AKAP9: variants seen among roughly 807,000 people sequenced by gnomAD.
AKAP9 encodes the protein A-kinase anchoring protein 9.
In AKAP9, 311 loss-of-function variants were observed where a neutral mutation model predicts 488.5. The ratio of observed to expected loss-of-function variants is 0.64; its 90% CI spans 0.58 to 0.70. The LOEUF is 0.70. Among genes scored for constraint, AKAP9 ranks in the 30% least tolerant of loss-of-function variants. The pLI is 0.00. For synonymous variants in AKAP9, 1,462 were observed against 1,483.5 expected (o/e 0.99, Z 0.33); for missense variants, 4,215 against 4,374.5 (o/e 0.96, Z 1.03).
At chr7:92,099,098 C>T (rs886607891) in intron 43 of AKAP9, among the ~76,000 whole-genome samples, 4 of 152,192 alleles carry the variant, frequency 2.6e-5, no homozygotes, top group African/African-American at 9.7e-5. Context: ...GTTTAGAAAG[C>T]TGAAAGTCAC....
At chr7:91,990,628 A>C (rs1220613814) in intron 3 of AKAP9, among the ~76,000 whole-genome samples, 1 of 152,216 alleles carries the variant, frequency 6.6e-6, no homozygotes, top group African/African-American at 2.4e-5. Context: ...GCAGTGGCTA[A>C]ATAAAGTACT....
intron 1 of AKAP9, among the ~76,000 whole-genome samples, chr7:91,957,069 A>T (rs1288028970): frequency 6.6e-6 from 1 of 152,136 alleles, no homozygotes; most frequent in Non-Finnish European, 1.5e-5. Flanking sequence ...CTACTTCCTG[A>T]TTTACATCTC....
intron 1 of AKAP9, among the ~76,000 whole-genome samples, chr7:91,960,839 GGTAAAACTCTACAA>G (rs1443620785): frequency 6.6e-6 from 1 of 152,108 alleles, no homozygotes; most frequent in African/African-American, 2.4e-5. Flanking sequence ...TTTCTTCACA[GGTAAAACTCTACAA>G]CCACATCTCT....
intron 20 of AKAP9, among the ~76,000 whole-genome samples, chr7:92,043,756 C>T (rs1483765512): frequency 6.6e-6 from 1 of 152,096 alleles, no homozygotes; most frequent in Non-Finnish European, 1.5e-5. Flanking sequence ...CAAATACTAA[C>T]GGAAAACTTC....
In AKAP9 at chr7:92,022,972, A is replaced by G; in HGVS notation, c.4111A>G (p.Arg1371Gly). 1.2e-6 allele frequency: 2 copies of G among 1,614,088 alleles called. No individual in the cohort carries two copies. Among genetic ancestry groups the G allele is most frequent in the South Asian group, 1.1e-5 (1 of 91,086 alleles). ...YEAEIHCLQK[R>G]LQAVSESTVP... ...GGCAGAGATCCACTGTTTACAGAAG[A>G]GGCTTCAAGCTGTTAGTGAGTCCAC... The change falls in exon 14 of 50, where the codon AGG (arginine) becomes GGG (glycine). Residue 1371 changes from arginine to glycine, a missense_variant. By Grantham distance (125) the Arg-to-Gly change is moderately radical (BLOSUM62 -2). Around this residue, in one of 5 missense-constraint regions of AKAP9, gnomAD observed 2,361 missense variants for 2,430.0 expected, o/e 0.97. Coordinates refer to ENST00000356239, the MANE Select transcript of AKAP9 (RefSeq NM_005751.5).
intron 8 of AKAP9, among the ~76,000 whole-genome samples, chr7:92,009,547 C>G (rs1407804353): frequency 6.6e-6 from 1 of 152,070 alleles, no homozygotes; most frequent in East Asian, 1.9e-4. Flanking sequence ...CTTACCAACT[C>G]TCAACGAATA....
At position 92,047,498 on chromosome 7, in the gene AKAP9, C is replaced by T. The variant is rs148218256; in HGVS notation, c.5368+2285C>T. Reference sequence around the variant, plus strand: ...CCTCCCAAAGTGCTAGAATTACAGGCGTGAGCCACTGCGACTGACCATAGT... The same window carrying T: ...CCTCCCAAAGTGCTAGAATTACAGGTGTGAGCCACTGCGACTGACCATAGT... On this transcript the variant is annotated intron_variant, in intron 21 of 49. Transcript: ENST00000356239. Among the ~76,000 whole-genome samples the T allele has an allele frequency of 3.5e-3, 536 of 152,264 alleles. 7 individuals carry two copies. The highest frequency in any genetic ancestry group is 0.012 in the African/African-American group (518 of 41,564).
chr7:91,998,571 T>C (rs1430730437), intron 7 of AKAP9, among the ~76,000 whole-genome samples: 2 of 151,878 alleles, frequency 1.3e-5, no homozygotes, highest in Non-Finnish European at 2.9e-5. Context: ...TTGGTTGTTA[T>C]TATATCAGGT....
chr7:91,989,454 C>A (rs1302814296), intron 3 of AKAP9, among the ~76,000 whole-genome samples: 1 of 151,972 alleles, frequency 6.6e-6, no homozygotes. Flanking sequence ...GTCCAGAATA[C>A]CATATTTACA....
In AKAP9 at chr7:92,100,032, A is replaced by C. The variant is rs906418058; in HGVS notation, c.10896+163A>C. 4.8e-6 allele frequency: 3 copies of C among 622,854 alleles called. No individual in the cohort carries two copies. In the Admixed American group the frequency reaches 8.0e-5, roughly 17 times the overall value. The allele number at this position is 622,854 out of a possible 1,614,324, so 38.6% of individuals were successfully genotyped here. On this transcript the variant is annotated intron_variant, in intron 44 of 49. Transcript: ENST00000356239. Reference sequence around the variant, plus strand: ...GATGACAATAATAATATTATTACTAAGTTATAATAATTACTGTTATTTATT... The same window carrying C: ...GATGACAATAATAATATTATTACTACGTTATAATAATTACTGTTATTTATT...
chr7:92,054,451 T>G (rs923381948), intron 22 of AKAP9, among the ~76,000 whole-genome samples: 1 of 152,076 alleles, frequency 6.6e-6, no homozygotes, highest in Admixed American at 6.6e-5. Context: ...AAAATAGCTT[T>G]GTACAGGATA....
chr7:91,982,071 G>T (rs1185208302), intron 3 of AKAP9, among the ~76,000 whole-genome samples: 1 of 152,108 alleles, frequency 6.6e-6, no homozygotes, highest in Non-Finnish European at 1.5e-5. Context: ...ATATGCCCAT[G>T]AAATTTGGTT....
In AKAP9 at chr7:92,002,025, A is replaced by G. The variant is rs1040430104; in HGVS notation, c.2108A>G (p.Lys703Arg). The G allele has an allele frequency of 1.2e-6, 2 of 1,610,500 alleles. No individual in the cohort carries two copies. The highest frequency in any genetic ancestry group is 2.7e-5 in the African/African-American group (2 of 74,782). The change falls in exon 8 of 50, where the codon AAA becomes AGA. Residue 703 changes from lysine to arginine, a missense_variant. Physicochemically the swap from Lys to Arg is conservative, Grantham distance 26. Around this residue, in one of 5 missense-constraint regions of AKAP9, gnomAD observed 2,361 missense variants for 2,430.0 expected, o/e 0.97. Transcript: ENST00000356239. ...NQLILEISKL[K>R]DLQQSLVNSK... ...TTAATTTTGGAAATTTCAAAGCTAA[A>G]AGATTTACAGCAGTCTCTTGTAAAT... is the stretch of plus-strand genomic sequence containing the variant.
chr7:92,085,085 C>T (rs1450708692), intron 35 of AKAP9, 145 bp downstream of exon 35: 8 of 893,486 alleles, frequency 9.0e-6, no homozygotes, highest in South Asian at 1.5e-5. Context: ...TATTTTATTT[C>T]CACATTTCAC....
Position 92,000,973 on chromosome 7 carries a change from A to T in AKAP9, c.1056A>T (p.Leu352Phe). The change falls in exon 8 of 50, where the codon TTA becomes TTT. Residue 352 changes from leucine to phenylalanine, a missense_variant. By Grantham distance (22) the Leu-to-Phe change is conservative. This residue lies in a region of AKAP9 where 2,361 missense variants were observed against 2,430.0 expected (regional missense o/e 0.97). Transcript: ENST00000356239. ...AAACTCTTGAGCTAAAGGATAAATTAACAACTGCTGATAAATTACTAGGAG... is the reference window on the plus strand; with the variant it reads ...AAACTCTTGAGCTAAAGGATAAATTTACAACTGCTGATAAATTACTAGGAG... ...EKKTLELKDK[L>F]TTADKLLGEL... The T allele has an allele frequency of 6.5e-7, 1 of 1,534,574 alleles. No individual in the cohort carries two copies.
intron 1 of AKAP9, among the ~76,000 whole-genome samples, chr7:91,956,637 A>G (rs1390094367): frequency 6.6e-6 from 1 of 152,158 alleles, no homozygotes; most frequent in African/African-American, 2.4e-5. Context: ...TTCTGTGTAT[A>G]TAGACAGCAT....
chr7:92,086,704 G>T (rs970793226), intron 37 of AKAP9, among the ~76,000 whole-genome samples: 31 of 152,168 alleles, frequency 2.0e-4, no homozygotes, highest in African/African-American at 7.5e-4. Context: ...GTTCCATAAA[G>T]TTGCTCTGAA....
At position 92,027,707 on chromosome 7, in the gene AKAP9, ATGTGAGGAGCGCCTCTGCCTGGCCG is replaced by A. The variant is rs1384293657; in HGVS notation, c.4149-2187_4149-2163del. Reference sequence around the variant, plus strand: ...CCTCTGCCTGGCCGCCCCGTCTGGGATGTGAGGAGCGCCTCTGCCTGGCCGCTGTGCAATCTTCCAAGTGTGAAGT... The same window carrying A: ...CCTCTGCCTGGCCGCCCCGTCTGGGACTGTGCAATCTTCCAAGTGTGAAGT... On this transcript the variant is annotated intron_variant, in intron 14 of 49. Coordinates refer to ENST00000356239, the MANE Select transcript of AKAP9 (RefSeq NM_005751.5). Among the ~76,000 whole-genome samples, 921 of 146,916 alleles carry A rather than the reference ATGTGAGGAGCGCCTCTGCCTGGCCG, an allele frequency of 6.3e-3. 10 individuals carry two copies. The highest frequency in any genetic ancestry group is 0.022 in the African/African-American group (872 of 39,276).
At position 92,006,907 on chromosome 7, in the gene AKAP9, A is replaced by T. The variant is rs568146909; in HGVS notation, c.3318+3672A>T. On this transcript the variant is annotated intron_variant, in intron 8 of 49. Transcript: ENST00000356239. ...ATCAAAAGAGATACCGGAGCTTAGA[A>T]ACTACAGGAGGAACCACTAGAATAT... is the stretch of plus-strand genomic sequence containing the variant. 2.0e-5 allele frequency among the ~76,000 whole-genome samples: 3 copies of T among 152,326 alleles called. No homozygotes were observed. In the East Asian group the frequency reaches 5.8e-4, roughly 29 times the overall value.
Sources: gnomAD v4.1 joint callset for allele counts (sites outside exome capture counted in the v4.1 genomes callset) on GRCh38, gnomAD v4.1.1 for gene constraint, gnomAD v4.1.1 regional missense constraint, MANE v1.5 for transcripts, NCBI Gene and HGNC (gene_info 2026-07-23, HGNC 2026-07-21) for gene names.